The following DIRAS2 variants were observed in gnomAD, a reference collection of about 807,000 sequenced individuals.
DIRAS2 encodes the protein GTP-binding protein Di-Ras2.
A neutral mutation model predicts 13.9 loss-of-function variants in DIRAS2; 5 were observed. The ratio of observed to expected loss-of-function variants is 0.36; its 90% CI spans 0.19 to 0.76. The LOEUF is 0.76. Among genes scored for constraint, DIRAS2 ranks in the 30% least tolerant of loss-of-function variants. The pLI is 0.53. For missense variants in DIRAS2, 191 were observed against 263.0 expected, an observed-to-expected ratio of 0.73 and a Z score of 1.89; for synonymous variants, 111 against 105.4, an observed-to-expected ratio of 1.05 and a Z score of -0.33.
At chr9:90,618,024 A>G (rs1392915250) in intron 1 of DIRAS2, among the ~76,000 whole-genome samples, 2 of 152,246 alleles carry the variant, frequency 1.3e-5, no homozygotes, top group East Asian at 3.8e-4. Context: ...TGCAATTCTT[A>G]AAAGCATCCC....
Position 90,612,986 on chromosome 9 carries a change from G to C in DIRAS2, c.*242C>G. ...CTTCAGCAATTGCTGGCACCTCTCAGTTCCCAGGGATGCTGAGTGTGTTGG... is the reference window on the plus strand; with the variant it reads ...CTTCAGCAATTGCTGGCACCTCTCACTTCCCAGGGATGCTGAGTGTGTTGG... On this transcript the variant is annotated 3_prime_UTR_variant, in exon 2 of 2. Transcript: ENST00000375765. 1.9e-6 allele frequency: 1 copy of C among 539,308 alleles called. No individual in the cohort carries two copies. The highest frequency in any genetic ancestry group is 3.2e-6 in the Non-Finnish European group (1 of 308,550). 33.4% of individuals were successfully genotyped at this position (539,308 alleles called of 1,614,324 possible). A position where few individuals can be genotyped will look rare whatever the true frequency, so the allele number is the denominator to read the frequency against.
At chr9:90,642,608 CCT>C (rs1354300878) in intron 1 of DIRAS2, 142 bp downstream of exon 1, 13 of 153,006 alleles carry the variant, frequency 8.5e-5, no homozygotes. Context: ...GATTTCTTCC[CCT>C]CTTACCAACT....
At position 90,616,656 on chromosome 9, in the gene DIRAS2, G is replaced by A. The variant is rs1390686487; in HGVS notation, c.-36-2793C>T. On this transcript the variant is annotated intron_variant, in intron 1 of 1. Coordinates refer to ENST00000375765, the MANE Select transcript of DIRAS2 (RefSeq NM_017594.5). ...AAACCCAGACTGTAGAGAATCACTT[G>A]AACCTGGGAGGTGGAGGTGGCAGTG... Among the ~76,000 whole-genome samples the A allele has an allele frequency of 2.8e-5, 4 of 141,542 alleles. No homozygotes were observed. In the East Asian group the frequency reaches 8.6e-4, roughly 31 times the overall value. 92.9% of individuals were successfully genotyped at this position (141,542 alleles called of 152,430 possible). A position where few individuals can be genotyped will look rare whatever the true frequency, so the allele number is the denominator to read the frequency against.
intron 1 of DIRAS2, among the ~76,000 whole-genome samples, chr9:90,636,219 T>C (rs557791323): frequency 1.2e-3 from 186 of 151,846 alleles, no homozygotes; most frequent in Non-Finnish European, 1.9e-3. Flanking sequence ...CTGTATTTTT[T>C]AGCAGAGATG....
chr9:90,614,082 AC>A (rs1411797768), intron 1 of DIRAS2, among the ~76,000 whole-genome samples: 3 of 152,142 alleles, frequency 2.0e-5, no homozygotes, highest in Admixed American at 2.0e-4. Context: ...TCTTTATTGG[AC>A]CATGACAATG....
chr9:90,630,594 A>C (rs1460081920), intron 1 of DIRAS2, among the ~76,000 whole-genome samples: 1 of 152,190 alleles, frequency 6.6e-6, no homozygotes, highest in Non-Finnish European at 1.5e-5. Context: ...CCATGAAAAC[A>C]TTTTCTATCA....
rs934027225 is a variant in DIRAS2, at chr9:90,610,670, A to C, written c.*2558T>G. 2.2e-5 allele frequency: 8 copies of C among 367,540 alleles called. No individual in the cohort carries two copies. In the East Asian group the frequency reaches 2.7e-4, roughly 13 times the overall value. 22.8% of individuals were successfully genotyped at this position (367,540 alleles called of 1,614,324 possible). A position where few individuals can be genotyped will look rare whatever the true frequency, so the allele number is the denominator to read the frequency against. On this transcript the variant is annotated 3_prime_UTR_variant, in exon 2 of 2. Transcript: ENST00000375765. ...TGTGATACTAACTCCTCAAACTCTG[A>C]GTCAATTGGGGATCTCCTAAAAGAC... is the stretch of plus-strand genomic sequence containing the variant.
intron 1 of DIRAS2, among the ~76,000 whole-genome samples, chr9:90,634,210 C>T (rs756024798): frequency 6.6e-6 from 1 of 152,050 alleles, no homozygotes; most frequent in Non-Finnish European, 1.5e-5. Context: ...GTGAAGTGAC[C>T]TTGGATGATA....
rs1248601993 is a variant in DIRAS2, at chr9:90,613,741, T to C, written c.87A>G (p.Lys29=). The change falls in exon 2 of 2, where the codon AAA becomes AAG. Residue 29 remains lysine, a synonymous_variant. Coordinates refer to ENST00000375765, the MANE Select transcript of DIRAS2 (RefSeq NM_017594.5). The surrounding 1 kb of genome is among the most constrained non-coding windows in gnomAD (Gnocchi z 5.6). ...GKSSLVLRFV[K]GTFRESYIPT... ...GGATGTAGCTCTCCCGGAATGTGCC[T>C]TTCACAAACCTCAACACCAGGGAGC... is the stretch of plus-strand genomic sequence containing the variant. 2 of 1,614,118 alleles carry C rather than the reference T, an allele frequency of 1.2e-6. No homozygotes were observed. Among genetic ancestry groups the C allele is most frequent in the African/African-American group, 1.3e-5 (1 of 75,024 alleles).
intron 1 of DIRAS2, among the ~76,000 whole-genome samples, chr9:90,626,769 C>T (rs1350604831): frequency 1.3e-5 from 2 of 152,246 alleles, no homozygotes; most frequent in South Asian, 2.1e-4. Context: ...GGAAAAGAAA[C>T]GAAAGCGGGG....
chr9:90,616,736 C>CAAAAAAAAA (rs11422558), intron 1 of DIRAS2, among the ~76,000 whole-genome samples: 1 of 88,472 alleles, frequency 1.1e-5, no homozygotes, highest in Non-Finnish European at 2.1e-5. Context: ...GACTCCATCA[C>CAAAAAAAAA]AAAAAAAAAA....
intron 1 of DIRAS2, among the ~76,000 whole-genome samples, chr9:90,622,419 T>A (rs1193593315): frequency 1.3e-5 from 2 of 152,082 alleles, no homozygotes; most frequent in South Asian, 4.1e-4. Flanking sequence ...AATTGAAGAA[T>A]AATTTTCTGT....
chr9:90,628,993 T>A (rs1825298716), intron 1 of DIRAS2, among the ~76,000 whole-genome samples: 2 of 152,176 alleles, frequency 1.3e-5, no homozygotes, highest in South Asian at 2.1e-4. Flanking sequence ...TAGCTGGGAC[T>A]ACGGGCGCCC....
At chr9:90,635,728 A>G (rs1015904415) in intron 1 of DIRAS2, among the ~76,000 whole-genome samples, 2 of 152,274 alleles carry the variant, frequency 1.3e-5, no homozygotes, top group Non-Finnish European at 2.9e-5. Flanking sequence ...TAGAGTCAGA[A>G]TAAGGAGTCT....
At chr9:90,636,027 C>CTTTTTTTTTTT (rs1172661795) in intron 1 of DIRAS2, among the ~76,000 whole-genome samples, 3 of 66,250 alleles carry the variant, frequency 4.5e-5, no homozygotes, top group Non-Finnish European at 5.4e-5. Context: ...ACTGAATATT[C>CTTTTTTTTTTT]TTTTTTTTTT....
chr9:90,629,923 G>A (rs931933070), intron 1 of DIRAS2, among the ~76,000 whole-genome samples: 4 of 152,064 alleles, frequency 2.6e-5, no homozygotes, highest in Admixed American at 2.0e-4. Context: ...TACACACAGA[G>A]CTTTGCTAAA....
chr9:90,636,817 C>T (rs766723626), intron 1 of DIRAS2, among the ~76,000 whole-genome samples: 2 of 152,172 alleles, frequency 1.3e-5, no homozygotes, highest in African/African-American at 4.8e-5. Context: ...TACAGTTGCT[C>T]CTCAACTTAC....
Position 90,613,884 on chromosome 9 carries a change from T to C in DIRAS2, c.-36-21A>G. 29 of 1,534,946 alleles carry C rather than the reference T, an allele frequency of 1.9e-5. No individual in the cohort carries two copies. The highest frequency in any genetic ancestry group is 2.4e-5 in the Non-Finnish European group (28 of 1,143,116). On this transcript the variant is annotated intron_variant, in intron 1 of 1. Coordinates refer to ENST00000375765, the MANE Select transcript of DIRAS2 (RefSeq NM_017594.5). The surrounding 1 kb of genome is among the most constrained non-coding windows in gnomAD (Gnocchi z 5.6). ...CGCACCTAGCAAAGGAACCAGATGTTTGAAAGAATTAATAATTAAAATATA... is the reference window on the plus strand; with the variant it reads ...CGCACCTAGCAAAGGAACCAGATGTCTGAAAGAATTAATAATTAAAATATA...
chr9:90,631,102 G>A (rs72757623), intron 1 of DIRAS2, among the ~76,000 whole-genome samples: 5,089 of 152,188 alleles, frequency 0.033, 136 homozygotes, highest in South Asian at 0.11. Context: ...AGTGAGCATC[G>A]AAGATGATGA....
Sources: gnomAD v4.1 joint callset for allele counts (sites outside exome capture counted in the v4.1 genomes callset) on GRCh38, gnomAD v4.1.1 for gene constraint, Gnocchi (gnomAD v3.1) non-coding constraint, MANE v1.5 for transcripts, NCBI Gene and HGNC (gene_info 2026-07-23, HGNC 2026-07-21) for gene names.